Variants in RNF138 observed in about 807,000 individuals in gnomAD.
RNF138 encodes the protein ring finger protein 138.
Under a neutral mutation model 31.0 loss-of-function variants are expected in RNF138, and 12 were observed. The observed-to-expected ratio is 0.39, with a 90% CI of 0.25 to 0.63. The LOEUF (loss-of-function observed/expected upper bound fraction) is 0.63. Among genes scored for constraint, RNF138 ranks in the 20% least tolerant of loss-of-function variants. The probability of loss-of-function intolerance (pLI) is 0.52; values close to 1 mark genes in which losing one functional copy is unlikely to be tolerated. For missense variants in RNF138, 192 were observed against 300.1 expected (o/e 0.64, Z 2.66); for synonymous variants, 105 against 99.5 (o/e 1.06, Z -0.33).
chr18:32,097,977 T>TGTG (rs763759065), intron 2 of RNF138, among the ~76,000 whole-genome samples: 1,504 of 49,738 alleles, frequency 0.03, 16 homozygotes, highest in Middle Eastern at 0.04. Context: ...TGTGTGTGTG[T>TGTG]TATTTTTGTT....
At chr18:32,112,758 A>G (rs1199660784) in intron 3 of RNF138, among the ~76,000 whole-genome samples, 1 of 152,256 alleles carries the variant, frequency 6.6e-6, no homozygotes, top group Non-Finnish European at 1.5e-5. Flanking sequence ...AGGTGTTAAC[A>G]AATAACCAGC....
intron 7 of RNF138, among the ~76,000 whole-genome samples, chr18:32,128,864 TTTG>T (rs1435113667): frequency 6.6e-6 from 1 of 151,490 alleles, no homozygotes; most frequent in Non-Finnish European, 1.5e-5. Context: ...ACACTCAAAT[TTTG>T]TTCTGTGATG....
At chr18:32,117,266 G>A (rs2040233101) in intron 4 of RNF138, among the ~76,000 whole-genome samples, 1 of 151,980 alleles carries the variant, frequency 6.6e-6, no homozygotes, top group African/African-American at 2.4e-5. Flanking sequence ...GTCTGAGCAG[G>A]AAACAGTGGG....
intron 2 of RNF138, among the ~76,000 whole-genome samples, chr18:32,107,910 T>G (rs971715168): frequency 6.6e-6 from 1 of 151,482 alleles, no homozygotes; most frequent in Non-Finnish European, 1.5e-5. Context: ...TCGCCCAGAT[T>G]GGGGCGCGAT....
chr18:32,118,729 T>C (rs2040255782), intron 4 of RNF138, among the ~76,000 whole-genome samples: 1 of 151,998 alleles, frequency 6.6e-6, no homozygotes, highest in African/African-American at 2.4e-5. Context: ...CTCAGGAGGC[T>C]GAGGCAGGAG....
intron 2 of RNF138, among the ~76,000 whole-genome samples, chr18:32,101,282 A>C (rs546135846): frequency 6.6e-6 from 1 of 150,920 alleles, no homozygotes; most frequent in South Asian, 2.1e-4. Context: ...TGGCACACGC[A>C]GTCTTGGCTC....
chr18:32,113,194 C>T (rs2040161813), intron 3 of RNF138, among the ~76,000 whole-genome samples: 1 of 152,022 alleles, frequency 6.6e-6, no homozygotes, highest in Non-Finnish European at 1.5e-5. Flanking sequence ...CTGCCTCAGC[C>T]CCACAGGTAG....
At chr18:32,105,392 A>G (rs1174758669) in intron 2 of RNF138, among the ~76,000 whole-genome samples, 4 of 152,192 alleles carry the variant, frequency 2.6e-5, no homozygotes, top group Non-Finnish European at 4.4e-5. Context: ...CACTGGCCAA[A>G]TCGTATGGTG....
chr18:32,115,542 C>T (rs2040200691), intron 4 of RNF138, among the ~76,000 whole-genome samples: 1 of 152,132 alleles, frequency 6.6e-6, no homozygotes, highest in African/African-American at 2.4e-5. Context: ...GTCAGGAGTT[C>T]AAGACCAGCC....
At chr18:32,107,423 C>G (rs941033033) in intron 2 of RNF138, among the ~76,000 whole-genome samples, 2 of 148,890 alleles carry the variant, frequency 1.3e-5, no homozygotes, top group Non-Finnish European at 3.0e-5. Context: ...ACCTGGCCCA[C>G]TTTCCTTTTT....
chr18:32,129,892 G>A lies in RNF138; in HGVS notation c.*705G>A, dbSNP rs930924584. Reference sequence around the variant, plus strand: ...ATTTCAGTCTTTGACTGATTTGTAAGCCTAGAATATACTAAGCTGAATAAC... The same window carrying A: ...ATTTCAGTCTTTGACTGATTTGTAAACCTAGAATATACTAAGCTGAATAAC... On this transcript the variant is annotated 3_prime_UTR_variant, in exon 8 of 8. Coordinates refer to ENST00000261593, the MANE Select transcript of RNF138 (RefSeq NM_016271.5). The A allele has an allele frequency of 3.3e-5, 5 of 152,166 alleles. No homozygotes were observed. The highest frequency in any genetic ancestry group is 1.2e-4 in the African/African-American group (5 of 41,382). 9.4% of individuals were successfully genotyped at this position (152,166 alleles called of 1,614,324 possible).
intron 2 of RNF138, among the ~76,000 whole-genome samples, chr18:32,093,899 C>G (rs1311609133): frequency 6.6e-6 from 1 of 152,168 alleles, no homozygotes; most frequent in Non-Finnish European, 1.5e-5. Flanking sequence ...GGCTCCATTT[C>G]AAACTTAACA....
chr18:32,118,694 T>G (rs549804486), intron 4 of RNF138, among the ~76,000 whole-genome samples: 1 of 152,000 alleles, frequency 6.6e-6, no homozygotes, highest in South Asian at 2.1e-4. Flanking sequence ...CTGGGCGTGG[T>G]GGTGCGCGCC....
At chr18:32,119,554 G>C (rs949927874) in intron 4 of RNF138, among the ~76,000 whole-genome samples, 1 of 152,160 alleles carries the variant, frequency 6.6e-6, no homozygotes, top group African/African-American at 2.4e-5. Flanking sequence ...CTCCCGAGTA[G>C]CTGGGACTAC....
At chr18:32,124,492 T>C (rs938342733) in intron 5 of RNF138, 2 of 380,236 alleles carry the variant, frequency 5.3e-6, no homozygotes, top group Non-Finnish European at 9.6e-6. Flanking sequence ...TTTTTGTTTT[T>C]GTTTTGGCCT....
At chr18:32,092,562 T>TG (rs2144549277) in intron 1 of RNF138, 138 bp from the exon 2 acceptor site, 2 of 552,542 alleles carry the variant, frequency 3.6e-6, no homozygotes, top group East Asian at 6.4e-5. Context: ...GGAGGAGCCG[T>TG]GGGAGGGGTC....
At chr18:32,113,895 A>AC in intron 4 of RNF138, 35 bp downstream of exon 4, 1 of 1,052,490 alleles carries the variant, frequency 9.5e-7, no homozygotes, top group Non-Finnish European at 1.4e-6. Flanking sequence ...CAGAATTTTC[A>AC]TAATTGAAAT....
intron 2 of RNF138, among the ~76,000 whole-genome samples, chr18:32,106,925 T>C (rs1375125341): frequency 6.6e-6 from 1 of 152,120 alleles, no homozygotes; most frequent in Non-Finnish European, 1.5e-5. Flanking sequence ...TTAAATTTAT[T>C]GTACAGGTCC....
Position 32,129,345 on chromosome 18 carries a change from T to TTCA in RNF138, c.*164_*166dup. On this transcript the variant is annotated 3_prime_UTR_variant, in exon 8 of 8. Coordinates refer to ENST00000261593, the MANE Select transcript of RNF138 (RefSeq NM_016271.5). ...AAATAAAGGTAGGGCTTCTAAAAAC[T>TTCA]TCATCATCTTGATAAGTTAAAAAAT... The TTCA allele has an allele frequency of 3.7e-6, 2 of 537,528 alleles. No individual in the cohort carries two copies. The highest frequency in any genetic ancestry group is 6.6e-6 in the Non-Finnish European group (2 of 301,412). 33.3% of individuals were successfully genotyped at this position (537,528 alleles called of 1,614,324 possible).
Sources: gnomAD v4.1 joint callset for allele counts (sites outside exome capture counted in the v4.1 genomes callset) on GRCh38, gnomAD v4.1.1 for gene constraint, MANE v1.5 for transcripts, NCBI Gene and HGNC (gene_info 2026-07-23, HGNC 2026-07-21) for gene names.